The following SLC7A2 variants were observed in gnomAD, a reference collection of about 807,000 sequenced individuals.
The protein encoded by SLC7A2 is cationic amino acid transporter 2.
Under a neutral mutation model 58.9 loss-of-function variants are expected in SLC7A2, and 48 were observed. The ratio of observed to expected loss-of-function variants is 0.82; its 90% CI spans 0.65 to 1.04. The LOEUF (loss-of-function observed/expected upper bound fraction) is 1.04, where lower values mean the gene tolerates loss of function less well. SLC7A2 is among the 50% of genes least tolerant of loss of function. The pLI is 0.00. For missense variants in SLC7A2, 1,029 were observed against 818.8 expected (o/e 1.26, Z -3.13); for synonymous variants, 363 against 314.5 (o/e 1.15, Z -1.63).
intron 2 of SLC7A2, among the ~76,000 whole-genome samples, chr8:17,526,950 G>T (rs1251554020): frequency 3.3e-5 from 5 of 152,154 alleles, no homozygotes; most frequent in Admixed American, 2.6e-4. Flanking sequence ...TGGATTTCCA[G>T]TTGGTTGCAT....
intron 2 of SLC7A2, among the ~76,000 whole-genome samples, chr8:17,524,962 C>G (rs2588207): frequency 6.6e-6 from 1 of 151,924 alleles, no homozygotes; most frequent in Non-Finnish European, 1.5e-5. Context: ...AAATTTTTGA[C>G]TGGGGCAAGG....
intron 2 of SLC7A2, among the ~76,000 whole-genome samples, chr8:17,518,993 C>G (rs1009331932): frequency 9.9e-5 from 15 of 152,124 alleles, no homozygotes; most frequent in African/African-American, 3.1e-4. Context: ...AGCTCTTCCT[C>G]TTTTTATAAG....
intron 2 of SLC7A2, among the ~76,000 whole-genome samples, chr8:17,503,271 C>T (rs1585176876): frequency 2.0e-5 from 3 of 152,014 alleles, no homozygotes; most frequent in Admixed American, 2.0e-4. Context: ...AGGGTGGTCT[C>T]GATCTCCTGA....
rs548585727 is a variant in SLC7A2 at position 17,514,263 on chromosome 8, T to TA, written c.-23+11971dup. ...TGTGTTAAACCAAAGAGGAATCAAT[T>TA]AAAAAAAAAATACAGTGTGTCCCAA... On this transcript the variant is annotated intron_variant, in intron 2 of 12. Transcript: ENST00000494857. Among the ~76,000 whole-genome samples the TA allele has an allele frequency of 7.7e-3, 1,150 of 148,968 alleles. 9 individuals carry two copies. The highest frequency in any genetic ancestry group is 0.017 in the South Asian group (80 of 4,674).
intron 9 of SLC7A2, among the ~76,000 whole-genome samples, 170 bp from the exon 10 acceptor site, chr8:17,560,158 G>A (rs1482809750): frequency 1.3e-5 from 2 of 152,066 alleles, no homozygotes; most frequent in Non-Finnish European, 2.9e-5. Context: ...TTGTTTTATC[G>A]GAAAGGTTTG....
At chr8:17,539,081 A>C (rs1314947317) in intron 2 of SLC7A2, among the ~76,000 whole-genome samples, 1 of 152,216 alleles carries the variant, frequency 6.6e-6, no homozygotes, top group Non-Finnish European at 1.5e-5. Flanking sequence ...ACTTGTGACT[A>C]TGATTAGCAG....
intron 9 of SLC7A2, among the ~76,000 whole-genome samples, chr8:17,559,149 G>A (rs1277060565): frequency 6.6e-6 from 1 of 152,086 alleles, no homozygotes; most frequent in Non-Finnish European, 1.5e-5. Flanking sequence ...GATAAGTAAA[G>A]GCTGCCAAGA....
chr8:17,521,568 A>G (rs1801016531), intron 2 of SLC7A2, among the ~76,000 whole-genome samples: 1 of 152,220 alleles, frequency 6.6e-6, no homozygotes, highest in Admixed American at 6.5e-5. Flanking sequence ...GGATCAGACC[A>G]CCCAGTGAAG....
chr8:17,561,308 T>C (rs987029717), intron 10 of SLC7A2, among the ~76,000 whole-genome samples: 8 of 152,060 alleles, frequency 5.3e-5, no homozygotes, highest in African/African-American at 1.9e-4. Context: ...CTCACAGTCA[T>C]GGTGGAAGGC....
At chr8:17,517,960 C>T (rs935562087) in intron 2 of SLC7A2, among the ~76,000 whole-genome samples, 1 of 152,104 alleles carries the variant, frequency 6.6e-6, no homozygotes, top group African/African-American at 2.4e-5. Context: ...TGAAAAGTTT[C>T]TTAACATCTC....
At chr8:17,554,933 T>C in intron 8 of SLC7A2, 3 of 1,613,434 alleles carry the variant, frequency 1.9e-6, no homozygotes, top group Non-Finnish European at 2.5e-6. Flanking sequence ...GATTTTGAAT[T>C]TTTCTGTTCT....
intron 4 of SLC7A2, among the ~76,000 whole-genome samples, chr8:17,547,025 A>C (rs1462112148): frequency 6.6e-6 from 1 of 152,190 alleles, no homozygotes; most frequent in East Asian, 1.9e-4. Context: ...TAACTTTTCT[A>C]CATGTACATA....
intron 2 of SLC7A2, among the ~76,000 whole-genome samples, chr8:17,505,635 G>C (rs915862825): frequency 2.6e-5 from 4 of 152,114 alleles, no homozygotes; most frequent in Non-Finnish European, 1.5e-5. Flanking sequence ...TTTTGGCTGA[G>C]ATAATTTAAA....
intron 4 of SLC7A2, among the ~76,000 whole-genome samples, chr8:17,547,048 T>C: frequency 6.6e-6 from 1 of 152,212 alleles, no homozygotes; most frequent in East Asian, 1.9e-4. Flanking sequence ...CTGTTGTACA[T>C]GGCAGGTAGA....
chr8:17,552,780 T>G (rs1225777489), intron 7 of SLC7A2, among the ~76,000 whole-genome samples: 1 of 152,218 alleles, frequency 6.6e-6, no homozygotes, highest in East Asian at 1.9e-4. Flanking sequence ...TACCCTTATT[T>G]CAATTAACAT....
intron 2 of SLC7A2, chr8:17,539,012 A>G (rs1801796121): frequency 2.5e-6 from 3 of 1,206,712 alleles, no homozygotes; most frequent in African/African-American, 1.5e-5. Context: ...GGAAAGATTC[A>G]TTTCTAAGTG....
chr8:17,567,126 C>G lies in SLC7A2; in HGVS notation c.*1980C>G, dbSNP rs1188310606. 1 of 152,600 alleles carries G rather than the reference C, an allele frequency of 6.6e-6. No homozygotes were observed. The highest frequency in any genetic ancestry group is 1.5e-5 in the Non-Finnish European group (1 of 68,054). The allele number at this position is 152,600 out of a possible 1,614,324, so 9.5% of individuals were successfully genotyped here. A position where few individuals can be genotyped will look rare whatever the true frequency, so the allele number is the denominator to read the frequency against. On this transcript the variant is annotated 3_prime_UTR_variant, in exon 13 of 13. Coordinates refer to ENST00000494857, the MANE Select transcript of SLC7A2 (RefSeq NM_001370338.1). ...TAAAATCTGAAGCCCAGAATTTTCTCTCAAGCTGCGTGGTTTACTGGAGAG... is the reference window on the plus strand; with the variant it reads ...TAAAATCTGAAGCCCAGAATTTTCTGTCAAGCTGCGTGGTTTACTGGAGAG...
At chr8:17,511,253 TTAAAG>T (rs2150667171) in intron 2 of SLC7A2, 1 of 152,280 alleles carries the variant, frequency 6.6e-6, no homozygotes, top group Non-Finnish European at 1.5e-5. Flanking sequence ...ATCCTGGAAC[TTAAAG>T]TAAAATTAAA....
intron 6 of SLC7A2, among the ~76,000 whole-genome samples, chr8:17,551,114 T>C (rs1802428122): frequency 6.6e-6 from 1 of 152,206 alleles, no homozygotes; most frequent in Non-Finnish European, 1.5e-5. Flanking sequence ...ATTTTCCAAA[T>C]GGATTAAGAC....
Sources: gnomAD v4.1 joint callset for allele counts (sites outside exome capture counted in the v4.1 genomes callset) on GRCh38, gnomAD v4.1.1 for gene constraint, MANE v1.5 for transcripts, NCBI Gene and HGNC (gene_info 2026-07-23, HGNC 2026-07-21) for gene names.